Variants in HIVEP3 observed in about 807,000 individuals in gnomAD.
The protein encoded by HIVEP3 is HIVEP zinc finger 3.
A neutral mutation model predicts 152.8 loss-of-function variants in HIVEP3; 49 were observed. The ratio of observed to expected loss-of-function variants is 0.32; its 90% CI spans 0.26 to 0.41. The LOEUF is 0.41. HIVEP3 is among the 10% of genes least tolerant of loss of function. The pLI, the probability that HIVEP3 is intolerant of heterozygous loss-of-function variation, is 1.00. For missense variants in HIVEP3, 2,790 were observed against 3,103.3 expected (o/e 0.90, Z 2.40); for synonymous variants, 1,269 against 1,289.0 (o/e 0.98, Z 0.33).
chr1:41,925,102 C>A (rs994111160), intron 1 of HIVEP3, among the ~76,000 whole-genome samples: 1 of 152,058 alleles, frequency 6.6e-6, no homozygotes. Flanking sequence ...AGCCCATAAG[C>A]CAAGAATGGA....
intron 1 of HIVEP3, among the ~76,000 whole-genome samples, chr1:41,887,374 T>C (rs570089878): frequency 6.6e-6 from 1 of 152,356 alleles, no homozygotes; most frequent in East Asian, 1.9e-4. Flanking sequence ...ATTTGTAATT[T>C]TATATTCTTT....
intron 1 of HIVEP3, among the ~76,000 whole-genome samples, chr1:41,970,473 G>A (rs1645222834): frequency 6.6e-6 from 1 of 152,154 alleles, no homozygotes; most frequent in Non-Finnish European, 1.5e-5. Context: ...CTTATAAGTG[G>A]GAGCTGAACA....
At chr1:41,760,483 T>C (rs1474223498) in intron 1 of HIVEP3, among the ~76,000 whole-genome samples, 1 of 152,220 alleles carries the variant, frequency 6.6e-6, no homozygotes, top group Admixed American at 6.5e-5. Flanking sequence ...TCTTCTGTGC[T>C]CCATGCCCTG....
At chr1:41,531,024 G>A (rs188289083) in intron 5 of HIVEP3, among the ~76,000 whole-genome samples, 9 of 152,212 alleles carry the variant, frequency 5.9e-5, no homozygotes, top group African/African-American at 2.2e-4. Context: ...TGACAGGAGA[G>A]ATGGAGGACA....
At chr1:41,786,660 A>T (rs1649364128) in intron 1 of HIVEP3, among the ~76,000 whole-genome samples, 1 of 152,052 alleles carries the variant, frequency 6.6e-6, no homozygotes, top group African/African-American at 2.4e-5. Context: ...ATTTACTACT[A>T]CCTGGTCTCT....
At chr1:41,967,162 T>C (rs537471023) in intron 1 of HIVEP3, among the ~76,000 whole-genome samples, 5 of 152,262 alleles carry the variant, frequency 3.3e-5, no homozygotes, top group Admixed American at 6.5e-5. Flanking sequence ...AATAAAGATA[T>C]TCAGGACTTG....
chr1:41,845,692 A>G (rs1159886115), intron 1 of HIVEP3, among the ~76,000 whole-genome samples: 1 of 152,168 alleles, frequency 6.6e-6, no homozygotes, highest in African/African-American at 2.4e-5. Flanking sequence ...GGGCATGTAA[A>G]CTTTTCACTC....
chr1:41,673,844 G>A (rs1205795227), intron 2 of HIVEP3, among the ~76,000 whole-genome samples: 1 of 152,230 alleles, frequency 6.6e-6, no homozygotes, highest in East Asian at 1.9e-4. Flanking sequence ...GGTGAAGAGA[G>A]AGGATGAGAA....
intron 1 of HIVEP3, among the ~76,000 whole-genome samples, chr1:41,721,043 C>T (rs746619172): frequency 7.2e-5 from 11 of 152,082 alleles, no homozygotes; most frequent in Non-Finnish European, 1.2e-4. Flanking sequence ...GCTGGGGGAA[C>T]GGGAAATGGG....
intron 1 of HIVEP3, among the ~76,000 whole-genome samples, chr1:41,791,900 T>A (rs753726989): frequency 2.0e-5 from 3 of 151,782 alleles, no homozygotes; most frequent in Non-Finnish European, 4.4e-5. Flanking sequence ...TTCTCAGGCA[T>A]CACACCCTTC....
chr1:41,851,289 C>CTTTTTTTTTTTTTTTTTTTTTTT (rs34180186), intron 1 of HIVEP3, among the ~76,000 whole-genome samples: 1 of 59,760 alleles, frequency 1.7e-5, no homozygotes, highest in Non-Finnish European at 2.9e-5. Flanking sequence ...TCTTCTTCTT[C>CTTTTTTTTTTTTTTTTTTTTTTT]TTTTTTTTTT....
At chr1:41,806,665 G>C (rs571548894) in intron 1 of HIVEP3, among the ~76,000 whole-genome samples, 2 of 152,352 alleles carry the variant, frequency 1.3e-5, no homozygotes, top group Admixed American at 1.3e-4. Flanking sequence ...AAGCTGAGCA[G>C]GAAGGGGGAA....
chr1:42,005,150 C>T (rs1281591903), intron 1 of HIVEP3, among the ~76,000 whole-genome samples: 1 of 152,108 alleles, frequency 6.6e-6, no homozygotes, highest in Non-Finnish European at 1.5e-5. Flanking sequence ...AGCAAGGCTA[C>T]CCTGTATCCC....
At chr1:41,763,113 G>A (rs565743672) in intron 1 of HIVEP3, among the ~76,000 whole-genome samples, 91 of 152,252 alleles carry the variant, frequency 6.0e-4, no homozygotes, top group African/African-American at 2.0e-3. Context: ...CTCTTCTCTG[G>A]GGCTTTAATT....
At chr1:41,844,608 C>A (rs1361780251) in intron 1 of HIVEP3, among the ~76,000 whole-genome samples, 1 of 152,186 alleles carries the variant, frequency 6.6e-6, no homozygotes, top group Non-Finnish European at 1.5e-5. Context: ...AAACTACAAA[C>A]CATAGAGGCT....
rs776614261 is a variant in HIVEP3, at chr1:41,918,042, G to T, written c.-801+371C>A. On this transcript the variant is annotated intron_variant, in intron 1 of 8. Coordinates refer to ENST00000372583, the MANE Select transcript of HIVEP3 (RefSeq NM_024503.5). The surrounding 1 kb of genome is among the most constrained non-coding windows in gnomAD (Gnocchi z 4.3). ...TATGGAGCCGGCCGCCAGTGCGCGGGTGCAGAGCCCAGCAGAGCCTGCTGC... is the reference window on the plus strand; with the variant it reads ...TATGGAGCCGGCCGCCAGTGCGCGGTTGCAGAGCCCAGCAGAGCCTGCTGC... Among the ~76,000 whole-genome samples, 2 of 152,222 alleles carry T rather than the reference G, an allele frequency of 1.3e-5. No individual in the cohort carries two copies. Among genetic ancestry groups the T allele is most frequent in the Non-Finnish European group, 2.9e-5 (2 of 68,030 alleles).
intron 2 of HIVEP3, among the ~76,000 whole-genome samples, chr1:41,658,627 C>T (rs977395889): frequency 3.9e-5 from 6 of 152,180 alleles, no homozygotes; most frequent in African/African-American, 1.4e-4. Flanking sequence ...TGCTCTGCAG[C>T]GGAGGAAGCA....
intron 1 of HIVEP3, among the ~76,000 whole-genome samples, chr1:41,771,381 G>T (rs1049697569): frequency 1.3e-5 from 2 of 152,102 alleles, no homozygotes; most frequent in African/African-American, 4.8e-5. Flanking sequence ...GGCTGACCTG[G>T]AGTAATAATA....
At chr1:42,016,879 T>C (rs116456110) in intron 1 of HIVEP3, among the ~76,000 whole-genome samples, 79 of 152,322 alleles carry the variant, frequency 5.2e-4, no homozygotes, top group African/African-American at 1.5e-3. Context: ...ACTATCCTGA[T>C]ATATTTATGT....
Sources: gnomAD v4.1 joint callset for allele counts (sites outside exome capture counted in the v4.1 genomes callset) on GRCh38, gnomAD v4.1.1 for gene constraint, Gnocchi (gnomAD v3.1) non-coding constraint, MANE v1.5 for transcripts, NCBI Gene and HGNC (gene_info 2026-07-23, HGNC 2026-07-21) for gene names.